Variants in BMP1 observed in about 807,000 individuals in gnomAD.
The protein encoded by BMP1 is bone morphogenetic protein 1.
A neutral mutation model predicts 116.8 loss-of-function variants in BMP1; 63 were observed. The ratio of observed to expected loss-of-function variants is 0.54; its 90% CI spans 0.44 to 0.67. The LOEUF is 0.67. BMP1 is among the 30% of genes least tolerant of loss of function. BMP1 has a pLI of 0.00. For missense variants in BMP1, 1,183 were observed against 1,358.9 expected, an observed-to-expected ratio of 0.87 and a Z score of 2.04; for synonymous variants, 536 against 533.4, an observed-to-expected ratio of 1.00 and a Z score of -0.07.
Position 22,194,533 on chromosome 8 carries a change from C to T in BMP1, c.1386C>T (p.Ile462=). 6.2e-7 allele frequency: 1 copy of T among 1,614,218 alleles called. No homozygotes were observed. Among genetic ancestry groups the T allele is most frequent in the Non-Finnish European group, 8.5e-7 (1 of 1,180,042 alleles). ...ATTACCGGCCCAGCAAAGTCTGCAT[C>T]TGGCGGATCCAGGTGTCTGAGGGCT... ...PDDYRPSKVC[I]WRIQVSEGFH... is the part of the protein sequence containing the mutation. The change falls in exon 11 of 20, where the codon ATC becomes ATT. Residue 462 remains isoleucine, a synonymous_variant. Coordinates refer to ENST00000306385, the MANE Select transcript of BMP1 (RefSeq NM_006129.5). This position sits in a 1 kb window ranked among gnomAD's most constrained non-coding sequence, Gnocchi z 4.5.
intron 9 of BMP1, among the ~76,000 whole-genome samples, chr8:22,192,859 A>T (rs1283674588): frequency 6.6e-6 from 1 of 152,174 alleles, no homozygotes; most frequent in Non-Finnish European, 1.5e-5. Flanking sequence ...GATCGTAAGG[A>T]GCTCAGGACC....
chr8:22,193,471 T>C (rs1340988975), intron 9 of BMP1, among the ~76,000 whole-genome samples: 1 of 152,218 alleles, frequency 6.6e-6, no homozygotes, highest in Non-Finnish European at 1.5e-5. Context: ...ATAGAACACA[T>C]ATATAGTTGG....
intron 1 of BMP1, among the ~76,000 whole-genome samples, chr8:22,167,943 T>G (rs569196305): frequency 6.6e-6 from 1 of 152,228 alleles, no homozygotes; most frequent in Non-Finnish European, 1.5e-5. Context: ...TCCTGTATCC[T>G]CTGCAGCCCT....
At chr8:22,207,097 C>T in intron 17 of BMP1, 116 bp downstream of exon 17, 1 of 1,505,004 alleles carries the variant, frequency 6.6e-7, no homozygotes, top group Non-Finnish European at 9.0e-7. Flanking sequence ...CAGGAGACCC[C>T]AAGTCTGGCC....
chr8:22,175,777 A>G lies in BMP1; in HGVS notation c.263-366A>G, dbSNP rs193289384. On this transcript the variant is annotated intron_variant, in intron 2 of 19. Transcript: ENST00000306385. ...CAGAGAGCACTTCAGCATTATGCTC[A>G]GGGGCTGTTTTAAACAGCGAAACCC... Among the ~76,000 whole-genome samples, 13 of 152,322 alleles carry G rather than the reference A, an allele frequency of 8.5e-5. No individual in the cohort carries two copies. The East Asian group carries it at 2.5e-3, about 29-fold the overall frequency.
intron 8 of BMP1, 62 bp downstream of exon 8, chr8:22,180,545 T>A: frequency 6.8e-7 from 1 of 1,468,968 alleles, no homozygotes; most frequent in South Asian, 1.2e-5. Context: ...CCTCAGGGAC[T>A]TCTCCCACAG....
At chr8:22,210,991 G>A (rs757382011) in intron 19 of BMP1, among the ~76,000 whole-genome samples, 23 of 152,270 alleles carry the variant, frequency 1.5e-4, no homozygotes, top group Non-Finnish European at 2.6e-4. Context: ...TCACTCAGTA[G>A]GCTTGCAGGA....
intron 8 of BMP1, among the ~76,000 whole-genome samples, chr8:22,191,747 A>G (rs1006277178): frequency 6.6e-5 from 10 of 152,200 alleles, no homozygotes; most frequent in Non-Finnish European, 1.0e-4. Context: ...TGTAGAGACC[A>G]GTTCCTCTTG....
chr8:22,209,497 C>T lies in BMP1; in HGVS notation c.2628C>T (p.His876=), dbSNP rs143044588. The change falls in exon 19 of 20, where the codon CAC becomes CAT. Residue 876 remains histidine (H), a synonymous_variant. Transcript: ENST00000306385. ...ADVKTKDLYS[H]AQFGDNNYPG... is the part of the protein sequence containing the mutation. Reference sequence around the variant, plus strand: ...TGAAGACCAAGGACCTTTACTCCCACGCCCAGTTTGGCGACAACAACTACC... The same window carrying T: ...TGAAGACCAAGGACCTTTACTCCCATGCCCAGTTTGGCGACAACAACTACC... 9.7e-5 allele frequency: 156 copies of T among 1,614,262 alleles called. No homozygotes were observed. Among genetic ancestry groups the T allele is most frequent in the African/African-American group, 1.5e-4 (11 of 75,066 alleles).
chr8:22,205,349 A>G (rs1829332640), intron 16 of BMP1, among the ~76,000 whole-genome samples: 1 of 152,202 alleles, frequency 6.6e-6, no homozygotes, highest in Non-Finnish European at 1.5e-5. Flanking sequence ...AGTGCTGTGC[A>G]GAGCCGGGGA....
At chr8:22,208,859 G>A (rs573371726) in intron 18 of BMP1, among the ~76,000 whole-genome samples, 1 of 152,274 alleles carries the variant, frequency 6.6e-6, no homozygotes, top group African/African-American at 2.4e-5. Flanking sequence ...ACCTCCTCTA[G>A]CGAGACCTGA....
In BMP1 at chr8:22,207,583, T is replaced by C. The variant is rs1009586840; in HGVS notation, c.2575+67T>C. On this transcript the variant is annotated intron_variant, in intron 18 of 19. Coordinates refer to ENST00000306385, the MANE Select transcript of BMP1 (RefSeq NM_006129.5). The stretch of plus-strand genomic sequence containing the variant: ...CCAAGACTGGGGTAGAGTCGGGGGT[T>C]TCAATGCGGGTATGAAGGTACAGAG... 40 of 1,556,766 alleles carry C rather than the reference T, an allele frequency of 2.6e-5. 2 individuals are homozygous for C. The South Asian group carries it at 4.4e-4, about 17-fold the overall frequency.
Position 22,165,372 on chromosome 8 carries a change from A to T in BMP1, c.-34A>T. On this transcript the variant is annotated 5_prime_UTR_variant, in exon 1 of 20. Transcript: ENST00000306385. ...GAGAGGACGCCCTCCCCTGGCCTCC[A>T]GTGCGCCGCTTCCCTCGCCGCCGCC... 7.1e-7 allele frequency: 1 copy of T among 1,415,954 alleles called. No homozygotes were observed. 87.7% of individuals were successfully genotyped at this position (1,415,954 alleles called of 1,614,324 possible).
chr8:22,172,945 T>C (rs1254322317), intron 1 of BMP1, among the ~76,000 whole-genome samples: 1 of 152,158 alleles, frequency 6.6e-6, no homozygotes, highest in African/African-American at 2.4e-5. Context: ...CCCCCTTAGT[T>C]AAATTGAAAC....
intron 8 of BMP1, among the ~76,000 whole-genome samples, chr8:22,183,997 T>C (rs776215641): frequency 6.6e-6 from 1 of 152,230 alleles, no homozygotes; most frequent in Non-Finnish European, 1.5e-5. Flanking sequence ...TAGTAACTTC[T>C]CCAAAATTAC....
rs1829016690 is a variant in BMP1, at chr8:22,194,366, G to A, written c.1298-79G>A. 27 of 1,569,144 alleles carry A rather than the reference G, an allele frequency of 1.7e-5. No individual in the cohort carries two copies. Among genetic ancestry groups the A allele is most frequent in the Non-Finnish European group, 2.3e-5 (26 of 1,149,730 alleles). ...CTGGGGGACATGGGAGGGACTGGAG[G>A]AGTGGGGAAAAGAGCTCCCTAGCAG... On this transcript the variant is annotated intron_variant, in intron 10 of 19. Coordinates refer to ENST00000306385, the MANE Select transcript of BMP1 (RefSeq NM_006129.5). The surrounding 1 kb of genome is among the most constrained non-coding windows in gnomAD (Gnocchi z 4.5).
At position 22,196,407 on chromosome 8, in the gene BMP1, G is replaced by A. The variant is rs1829093037; in HGVS notation, c.1766-273G>A. 6.0e-5 allele frequency: 36 copies of A among 598,908 alleles called. 1 individual carries two copies. The highest frequency in any genetic ancestry group is 5.8e-4 in the South Asian group (32 of 54,732). 37.1% of individuals were successfully genotyped at this position (598,908 alleles called of 1,614,324 possible). A position where few individuals can be genotyped will look rare whatever the true frequency, so the allele number is the denominator to read the frequency against. On this transcript the variant is annotated intron_variant, in intron 13 of 19. Coordinates refer to ENST00000306385, the MANE Select transcript of BMP1 (RefSeq NM_006129.5). ...CCCTTATTCCCGCTCACTCCCTCTT[G>A]GAGGACCTTGGCCTGTTCATTTGCA...
intron 16 of BMP1, among the ~76,000 whole-genome samples, chr8:22,206,577 C>T (rs1039298729): frequency 4.6e-5 from 7 of 151,912 alleles, no homozygotes; most frequent in Non-Finnish European, 8.8e-5. Context: ...CCAACACCTA[C>T]AAAGGTCTGG....
At position 22,201,788 on chromosome 8, in the gene BMP1, T is replaced by C; in HGVS notation, c.2108-15T>C. On this transcript the variant is annotated splice_polypyrimidine_tract_variant and intron_variant, in intron 15 of 19. Coordinates refer to ENST00000306385, the MANE Select transcript of BMP1 (RefSeq NM_006129.5). ...TGCACAGACCCAGCGTCTGCCCTTA[T>C]TTGCTCCCCTGCAGACAAGGACGAG... is the stretch of plus-strand genomic sequence containing the variant. The C allele has an allele frequency of 6.2e-7, 1 of 1,612,828 alleles. No individual in the cohort carries two copies. Among genetic ancestry groups the C allele is most frequent in the Non-Finnish European group, 8.5e-7 (1 of 1,179,946 alleles).
Sources: gnomAD v4.1 joint callset for allele counts (sites outside exome capture counted in the v4.1 genomes callset) on GRCh38, gnomAD v4.1.1 for gene constraint, Gnocchi (gnomAD v3.1) non-coding constraint, MANE v1.5 for transcripts, NCBI Gene and HGNC (gene_info 2026-07-23, HGNC 2026-07-21) for gene names.